SPAG9: variants seen among roughly 807,000 people sequenced by gnomAD.
The protein encoded by SPAG9 is C-Jun-amino-terminal kinase-interacting protein 4.
Under a neutral mutation model 166.5 loss-of-function variants are expected in SPAG9, and 35 were observed. That is an observed-to-expected ratio of 0.21 (90% CI 0.16 to 0.28). SPAG9 has a LOEUF of 0.28. Ranked by LOEUF, SPAG9 falls within the 10% of genes least tolerant of loss-of-function variation. The pLI is 1.00. For missense variants in SPAG9, 1,235 were observed against 1,603.3 expected (o/e 0.77, Z 3.92); for synonymous variants, 534 against 565.5 (o/e 0.94, Z 0.79).
intron 3 of SPAG9, among the ~76,000 whole-genome samples, chr17:51,050,582 C>T (rs2047151910): frequency 6.6e-6 from 1 of 152,122 alleles, no homozygotes; most frequent in East Asian, 1.9e-4. Context: ...CTCATACCCA[C>T]AAGAAAATCC....
intron 3 of SPAG9, among the ~76,000 whole-genome samples, chr17:51,053,716 T>C (rs1363018712): frequency 6.7e-6 from 1 of 149,530 alleles, no homozygotes; most frequent in East Asian, 2.0e-4. Context: ...TGCACGTGTG[T>C]GGTCCCAGCT....
chr17:50,990,264 G>A (rs992810232), intron 20 of SPAG9, 186 bp downstream of exon 20: 8 of 582,244 alleles, frequency 1.4e-5, no homozygotes, highest in East Asian at 9.0e-5. Context: ...TCCTGACCTC[G>A]TGATCCACCC....
intron 1 of SPAG9, among the ~76,000 whole-genome samples, chr17:51,087,341 T>C (rs1018872905): frequency 4.6e-5 from 7 of 152,172 alleles, no homozygotes; most frequent in African/African-American, 1.7e-4. Flanking sequence ...TATAAGAATT[T>C]ATGAATGAGA....
chr17:51,095,709 T>G (rs565430760), intron 1 of SPAG9, among the ~76,000 whole-genome samples: 1 of 137,900 alleles, frequency 7.3e-6, no homozygotes, highest in South Asian at 2.1e-4. Flanking sequence ...GTGATATATA[T>G]AGTGATATAT....
Position 51,120,418 on chromosome 17 carries a change from T to A in SPAG9, c.239A>T (p.Asp80Val), listed in dbSNP as rs763096893. The A allele has an allele frequency of 1.2e-6, 2 of 1,612,682 alleles. No individual in the cohort carries two copies. The highest frequency in any genetic ancestry group is 2.2e-5 in the South Asian group (2 of 90,910). ...CTGGGTGATGAGCTGCTCGTTGTCG[T>A]CCCGCAGCAGCTCCAGCTCCACCTG... ...EHQVELELLR[D>V]DNEQLITQYE... is the part of the protein sequence containing the mutation. The change falls in exon 1 of 30, where the codon GAC becomes GTC. Residue 80 changes from aspartate (D) to valine (V), a missense_variant. Asp to Val is a radical substitution (Grantham distance 152, BLOSUM62 -3). Transcript: ENST00000262013. This position sits in a 1 kb window ranked among gnomAD's most constrained non-coding sequence, Gnocchi z 4.7.
chr17:51,014,179 T>G, intron 9 of SPAG9, 53 bp downstream of exon 9: 2 of 1,522,046 alleles, frequency 1.3e-6, no homozygotes, highest in Admixed American at 1.9e-5. Flanking sequence ...TTAAATCATT[T>G]AAAAAATCAA....
rs1372335676 is a variant in SPAG9, at chr17:51,120,459, C to A, written c.198G>T (p.Ala66=). ...GCTCCACCTGGTGCTCCTGGTCCTG[C>A]GCGAACACCGAGTCCAGGTTCTCCA... ...AVLENLDSVF[A]QDQEHQVELE... Residue 66 remains alanine, a synonymous_variant, in exon 1 of 30, where the codon GCG becomes GCT. Transcript: ENST00000262013. This position sits in a 1 kb window ranked among gnomAD's most constrained non-coding sequence, Gnocchi z 4.7. 2.5e-6 allele frequency: 4 copies of A among 1,613,858 alleles called. No homozygotes were observed. The South Asian group carries it at 3.3e-5, about 13-fold the overall frequency.
intron 25 of SPAG9, among the ~76,000 whole-genome samples, chr17:50,981,527 T>A (rs78039459): frequency 3.0e-3 from 318 of 107,324 alleles, no homozygotes; most frequent in African/African-American, 0.01. Flanking sequence ...GATAGATAGA[T>A]AGAAAGAAAG....
At chr17:51,001,078 T>C (rs576300466) in intron 13 of SPAG9, among the ~76,000 whole-genome samples, 4 of 152,306 alleles carry the variant, frequency 2.6e-5, no homozygotes, top group African/African-American at 9.6e-5. Flanking sequence ...AGAGAATGTG[T>C]TCATAAACTT....
intron 1 of SPAG9, among the ~76,000 whole-genome samples, chr17:51,114,435 G>C (rs1395128032): frequency 6.6e-6 from 1 of 152,082 alleles, no homozygotes; most frequent in African/African-American, 2.4e-5. Context: ...TTCAAGACCA[G>C]CCTGGCTAAC....
intron 1 of SPAG9, among the ~76,000 whole-genome samples, chr17:51,080,558 G>T (rs114252619): frequency 6.6e-6 from 1 of 152,190 alleles, no homozygotes; most frequent in African/African-American, 2.4e-5. Context: ...ATGTCCAACT[G>T]CCTACTAGAA....
chr17:51,014,594 A>T lies in SPAG9; in HGVS notation c.1092-241T>A, dbSNP rs776791670. On this transcript the variant is annotated intron_variant, in intron 8 of 29. Coordinates refer to ENST00000262013, the MANE Select transcript of SPAG9 (RefSeq NM_001130528.3). Reference sequence around the variant, plus strand: ...TTGTGTGATCCCAGCAAACACAAGCAATAATGGCAGCTCCTCTGCTCTATA... The same window carrying T: ...TTGTGTGATCCCAGCAAACACAAGCTATAATGGCAGCTCCTCTGCTCTATA... 1.6e-5 allele frequency: 6 copies of T among 381,296 alleles called. No individual in the cohort carries two copies. The South Asian group carries it at 1.6e-4, about 10-fold the overall frequency. 23.6% of individuals were successfully genotyped at this position (381,296 alleles called of 1,614,324 possible). A position where few individuals can be genotyped will look rare whatever the true frequency, so the allele number is the denominator to read the frequency against.
intron 9 of SPAG9, among the ~76,000 whole-genome samples, chr17:51,013,746 A>G (rs1030291952): frequency 1.3e-5 from 2 of 152,226 alleles, no homozygotes; most frequent in Non-Finnish European, 2.9e-5. Flanking sequence ...TAAAATGATT[A>G]TATTTACCAT....
intron 13 of SPAG9, among the ~76,000 whole-genome samples, chr17:51,001,173 C>A (rs1189992309): frequency 6.6e-6 from 1 of 152,170 alleles, no homozygotes; most frequent in Non-Finnish European, 1.5e-5. Context: ...TAGGGGGCAG[C>A]TCATTTACAA....
Position 50,998,579 on chromosome 17 carries a change from T to G in SPAG9, c.1703A>C (p.Lys568Thr), listed in dbSNP as rs370029361. ...RLFSSSSNTT[K>T]KPEPPVNLKY... ...CAGATTAACAGGTGGTTCAGGCTTC[T>G]TAGTCGTGTTACTTGAGGAGCTGAA... The change falls in exon 15 of 30, where the codon AAG (lysine) becomes ACG (threonine). Residue 568 changes from lysine (K) to threonine (T), a missense_variant. Physicochemically the swap from Lys to Thr is moderately conservative, Grantham distance 78 (BLOSUM62 -1). Transcript: ENST00000262013. 35 of 1,614,038 alleles carry G rather than the reference T, an allele frequency of 2.2e-5. No individual in the cohort carries two copies. The highest frequency in any genetic ancestry group is 2.9e-5 in the Non-Finnish European group (34 of 1,180,004).
In SPAG9 at chr17:51,036,071, T is replaced by C. The variant is rs541531935; in HGVS notation, c.742-4349A>G. Among the ~76,000 whole-genome samples, 5 of 152,264 alleles carry C rather than the reference T, an allele frequency of 3.3e-5. No individual in the cohort carries two copies. In the South Asian group the frequency reaches 6.2e-4, roughly 19 times the overall value. On this transcript the variant is annotated intron_variant, in intron 5 of 29. Coordinates refer to ENST00000262013, the MANE Select transcript of SPAG9 (RefSeq NM_001130528.3). The stretch of plus-strand genomic sequence containing the variant: ...TGTGATCCCTTCCCCTCTGCCCTTC[T>C]TCTAAGATTCTGATACATCAATTAT...
chr17:51,054,720 G>A (rs1476045765), intron 3 of SPAG9, among the ~76,000 whole-genome samples: 1 of 152,106 alleles, frequency 6.6e-6, no homozygotes, highest in Non-Finnish European at 1.5e-5. Context: ...ACAGGTGTGA[G>A]CCACCGCACC....
intron 1 of SPAG9, among the ~76,000 whole-genome samples, chr17:51,107,240 C>T (rs781739002): frequency 4.0e-5 from 6 of 151,864 alleles, no homozygotes; most frequent in Admixed American, 3.3e-4. Context: ...AAGTTCCTGT[C>T]CAGCTCTTTA....
At position 51,112,370 on chromosome 17, in the gene SPAG9, CAAAAAAA is replaced by C. The variant is rs767699831; in HGVS notation, c.303+7977_303+7983del. 1.9e-3 allele frequency among the ~76,000 whole-genome samples: 73 copies of C among 38,574 alleles called. 3 individuals carry two copies. Among genetic ancestry groups the C allele is most frequent in the Non-Finnish European group, 4.5e-4 (8 of 17,758 alleles). The allele number at this position is 38,574 out of a possible 152,430, so 25.3% of individuals were successfully genotyped here. ...GCAACACAGTGTGACCCCATCTCTA[CAAAAAAA>C]AAAAAAAAAAAAAGGCCAGGCGCAG... is the stretch of plus-strand genomic sequence containing the variant. On this transcript the variant is annotated intron_variant, in intron 1 of 29. Coordinates refer to ENST00000262013, the MANE Select transcript of SPAG9 (RefSeq NM_001130528.3).
Sources: gnomAD v4.1 joint callset for allele counts (sites outside exome capture counted in the v4.1 genomes callset) on GRCh38, gnomAD v4.1.1 for gene constraint, Gnocchi (gnomAD v3.1) non-coding constraint, MANE v1.5 for transcripts, NCBI Gene and HGNC (gene_info 2026-07-23, HGNC 2026-07-21) for gene names.